The following CTNNA3 variants were observed in gnomAD, a reference collection of about 807,000 sequenced individuals.
CTNNA3 encodes the protein catenin alpha-3.
CTNNA3 carries 76 observed loss-of-function variants against 95.7 expected under a neutral mutation model. The ratio of observed to expected loss-of-function variants is 0.79; its 90% CI spans 0.66 to 0.96. The LOEUF (loss-of-function observed/expected upper bound fraction) is 0.96, where lower values mean the gene tolerates loss of function less well. CTNNA3 is among the 40% of genes least tolerant of loss of function. CTNNA3 has a pLI of 0.00. For missense variants in CTNNA3, 1,191 were observed against 1,089.8 expected (o/e 1.09, Z -1.31); for synonymous variants, 431 against 374.4 (o/e 1.15, Z -1.74).
At chr10:66,568,528 A>G (rs2132156971) in intron 10 of CTNNA3, among the ~76,000 whole-genome samples, 1 of 152,244 alleles carries the variant, frequency 6.6e-6, no homozygotes, top group Admixed American at 6.5e-5. Context: ...TAAAGGATAT[A>G]TCTTGGGGGT....
At chr10:67,253,918 A>T (rs1465491456) in intron 5 of CTNNA3, among the ~76,000 whole-genome samples, 1 of 152,194 alleles carries the variant, frequency 6.6e-6, no homozygotes, top group Non-Finnish European at 1.5e-5. Context: ...GATCCAGTAT[A>T]CCAGGAATGA....
intron 10 of CTNNA3, among the ~76,000 whole-genome samples, chr10:66,603,392 G>A (rs970921667): frequency 2.0e-4 from 31 of 151,998 alleles, no homozygotes; most frequent in African/African-American, 7.5e-4. Context: ...AGAAGTAAAA[G>A]GTCTTTGCAA....
At chr10:67,381,211 T>C (rs1231728241) in intron 5 of CTNNA3, among the ~76,000 whole-genome samples, 1 of 152,206 alleles carries the variant, frequency 6.6e-6, no homozygotes, top group Non-Finnish European at 1.5e-5. Context: ...AACATCTGCA[T>C]AATAAAATTA....
Position 67,377,511 on chromosome 10 carries a change from G to A in CTNNA3, c.579+144331C>T, listed in dbSNP as rs544386244. On this transcript the variant is annotated intron_variant, in intron 5 of 17. Transcript: ENST00000433211. ...AAATTATTTTACACTAACATTCAACGACTGATTTAAAGTACAGGGTCTGGA... is the reference window on the plus strand; with the variant it reads ...AAATTATTTTACACTAACATTCAACAACTGATTTAAAGTACAGGGTCTGGA... 6.0e-4 allele frequency among the ~76,000 whole-genome samples: 91 copies of A among 152,108 alleles called. 1 individual carries two copies. The highest frequency in any genetic ancestry group is 1.9e-4 in the East Asian group (1 of 5,178).
chr10:67,752,086 C>T, intron 1 of CTNNA3, among the ~76,000 whole-genome samples: 1 of 152,146 alleles, frequency 6.6e-6, no homozygotes, highest in African/African-American at 2.4e-5. Context: ...AAAATACTGG[C>T]AAACCAAATC....
rs557002210 is a variant in CTNNA3 at position 66,069,501 on chromosome 10, G to A, written c.1978-12C>T. 3.5e-5 allele frequency: 55 copies of A among 1,587,162 alleles called. No individual in the cohort carries two copies. The South Asian group carries it at 5.6e-4, about 16-fold the overall frequency. On this transcript the variant is annotated splice_polypyrimidine_tract_variant and intron_variant, in intron 14 of 17. Coordinates refer to ENST00000433211, the MANE Select transcript of CTNNA3 (RefSeq NM_013266.4). ...TGAGTCATCTTAGCCTAAAACATGT[G>A]ATAATTAGAGTTAAAATCATTCCAC...
chr10:67,500,960 T>G (rs1251907827), intron 5 of CTNNA3, among the ~76,000 whole-genome samples: 1 of 152,226 alleles, frequency 6.6e-6, no homozygotes, highest in Non-Finnish European at 1.5e-5. Context: ...TTTAGACCAT[T>G]TACACTTAAG....
intron 5 of CTNNA3, among the ~76,000 whole-genome samples, chr10:67,244,036 C>T (rs1203425403): frequency 6.6e-6 from 1 of 152,204 alleles, no homozygotes; most frequent in Non-Finnish European, 1.5e-5. Flanking sequence ...TTGAGGGTCA[C>T]TGCCATAAAA....
intron 12 of CTNNA3, among the ~76,000 whole-genome samples, chr10:66,367,815 T>G (rs2394205): frequency 0.46 from 66,323 of 145,658 alleles, 17,514 homozygotes; most frequent in Non-Finnish European, 0.59. Flanking sequence ...CTAATTTAGT[T>G]ATTCTGGTTT....
chr10:67,743,920 A>C (rs1243044854), intron 1 of CTNNA3, among the ~76,000 whole-genome samples: 1 of 151,200 alleles, frequency 6.6e-6, no homozygotes, highest in African/African-American at 2.4e-5. Context: ...AAAGAGAATA[A>C]AATACCTAGG....
At chr10:66,436,501 CTTTTTTTT>C (rs34165061) in intron 11 of CTNNA3, among the ~76,000 whole-genome samples, 2 of 60,370 alleles carry the variant, frequency 3.3e-5, no homozygotes, top group African/African-American at 1.2e-4. Context: ...ACAATCCCTG[CTTTTTTTT>C]TTTTTTTTTT....
intron 13 of CTNNA3, among the ~76,000 whole-genome samples, chr10:66,217,806 G>A (rs2088652053): frequency 6.6e-6 from 1 of 152,086 alleles, no homozygotes; most frequent in African/African-American, 2.4e-5. Context: ...ATCCATGATG[G>A]CTGTGGTAGG....
At chr10:65,937,373 A>G (rs1023664767) in intron 17 of CTNNA3, among the ~76,000 whole-genome samples, 3 of 152,166 alleles carry the variant, frequency 2.0e-5, no homozygotes, top group Non-Finnish European at 2.9e-5. Context: ...TATAGTCTCA[A>G]ACTATGATTT....
chr10:66,458,389 T>TAAG (rs2093508338), intron 11 of CTNNA3, among the ~76,000 whole-genome samples: 1 of 152,214 alleles, frequency 6.6e-6, no homozygotes, highest in Non-Finnish European at 1.5e-5. Context: ...TAAAAAGTGT[T>TAAG]AAACTTATAT....
chr10:67,443,647 G>GC (rs1846621584), intron 5 of CTNNA3, among the ~76,000 whole-genome samples: 1 of 151,894 alleles, frequency 6.6e-6, no homozygotes, highest in Non-Finnish European at 1.5e-5. Context: ...GGAGTTGTTT[G>GC]TTTTTTTCTT....
chr10:66,782,789 T>C (rs986031394), intron 7 of CTNNA3, among the ~76,000 whole-genome samples: 2 of 152,280 alleles, frequency 1.3e-5, no homozygotes, highest in South Asian at 2.1e-4. Flanking sequence ...ATCTATCCTA[T>C]TAGTTATTAA....
intron 9 of CTNNA3, among the ~76,000 whole-genome samples, chr10:66,734,872 CAAAA>C (rs34979571): frequency 7.5e-6 from 1 of 132,726 alleles, no homozygotes. Flanking sequence ...AAGACTGTTT[CAAAA>C]AAAAAAAAAA....
At chr10:66,772,921 T>C (rs536867543) in intron 8 of CTNNA3, among the ~76,000 whole-genome samples, 1 of 152,200 alleles carries the variant, frequency 6.6e-6, no homozygotes, top group East Asian at 1.9e-4. Context: ...AAGCAAACGA[T>C]GAACATTAAA....
At chr10:67,125,098 T>C (rs1353681725) in intron 7 of CTNNA3, among the ~76,000 whole-genome samples, 1 of 152,238 alleles carries the variant, frequency 6.6e-6, no homozygotes, top group Non-Finnish European at 1.5e-5. Flanking sequence ...TTCTTGCTTT[T>C]ACCTGTTTGT....
Sources: gnomAD v4.1 joint callset for allele counts (sites outside exome capture counted in the v4.1 genomes callset) on GRCh38, gnomAD v4.1.1 for gene constraint, MANE v1.5 for transcripts, NCBI Gene and HGNC (gene_info 2026-07-23, HGNC 2026-07-21) for gene names.